NTM: variants seen among roughly 807,000 people sequenced by gnomAD.
The protein encoded by NTM is IgLON family member 2.
Under a neutral mutation model 42.1 loss-of-function variants are expected in NTM, and 13 were observed. The observed-to-expected ratio is 0.31, with a 90% CI of 0.20 to 0.49. The LOEUF is 0.49. Among genes scored for constraint, NTM ranks in the 20% least tolerant of loss-of-function variants. The pLI, the probability that NTM is intolerant of heterozygous loss-of-function variation, is 0.99. For synonymous variants in NTM, 187 were observed against 179.2 expected (o/e 1.04, Z -0.35); for missense variants, 373 against 452.8 (o/e 0.82, Z 1.60).
At chr11:131,501,659 G>T (rs1356822734) in intron 1 of NTM, among the ~76,000 whole-genome samples, 1 of 152,198 alleles carries the variant, frequency 6.6e-6, no homozygotes, top group East Asian at 1.9e-4. Flanking sequence ...GGCAAAGGGG[G>T]CTGTTGCAGT....
chr11:131,477,236 C>T (rs903250840), intron 1 of NTM, among the ~76,000 whole-genome samples: 6 of 152,158 alleles, frequency 3.9e-5, no homozygotes, highest in Admixed American at 3.9e-4. Flanking sequence ...TAACAAATCT[C>T]CATCTCAGAG....
chr11:132,233,976 C>T (rs894391683), intron 4 of NTM, among the ~76,000 whole-genome samples: 7 of 152,314 alleles, frequency 4.6e-5, no homozygotes, highest in South Asian at 2.1e-4. Context: ...GTGCTCCAGT[C>T]GACAGCTATG....
At chr11:131,612,167 A>C (rs1468048775) in intron 1 of NTM, among the ~76,000 whole-genome samples, 1 of 152,208 alleles carries the variant, frequency 6.6e-6, no homozygotes, top group Non-Finnish European at 1.5e-5. Context: ...CCAGCCATGT[A>C]CATGGGCCAC....
intron 1 of NTM, among the ~76,000 whole-genome samples, chr11:131,576,756 A>C (rs1378944835): frequency 6.6e-6 from 1 of 152,224 alleles, no homozygotes; most frequent in Non-Finnish European, 1.5e-5. Context: ...CCTGACGTAA[A>C]TAATAACATA....
chr11:131,792,701 A>G (rs976213250), intron 1 of NTM, among the ~76,000 whole-genome samples: 1 of 152,194 alleles, frequency 6.6e-6, no homozygotes, highest in African/African-American at 2.4e-5. Flanking sequence ...GTGCCTTCAC[A>G]CTGCTCTTTC....
chr11:132,226,869 A>G (rs1186237832), intron 4 of NTM, among the ~76,000 whole-genome samples: 1 of 152,204 alleles, frequency 6.6e-6, no homozygotes, highest in African/African-American at 2.4e-5. Flanking sequence ...TGACTATAAG[A>G]TTTGTGGCCT....
chr11:131,905,356 T>C (rs1256636046), intron 1 of NTM, among the ~76,000 whole-genome samples: 7 of 152,104 alleles, frequency 4.6e-5, no homozygotes, highest in African/African-American at 1.7e-4. Flanking sequence ...TCGATGGCAT[T>C]AGAGGTTTTC....
chr11:131,502,549 G>A (rs1218858790), intron 1 of NTM, among the ~76,000 whole-genome samples: 2 of 152,124 alleles, frequency 1.3e-5, no homozygotes, highest in Non-Finnish European at 2.9e-5. Context: ...GCAAGTTGAC[G>A]AGGGGTGCAA....
intron 1 of NTM, among the ~76,000 whole-genome samples, chr11:131,575,993 C>T (rs2057895815): frequency 6.6e-6 from 1 of 152,168 alleles, no homozygotes; most frequent in African/African-American, 2.4e-5. Flanking sequence ...CTATTCAGGA[C>T]TGTTATCTTC....
intron 1 of NTM, among the ~76,000 whole-genome samples, chr11:131,617,601 T>TGCG (rs1311314289): frequency 6.6e-6 from 1 of 152,094 alleles, no homozygotes; most frequent in Non-Finnish European, 1.5e-5. Flanking sequence ...GGTGATGGAT[T>TGCG]TAATTTAAAG....
At chr11:132,083,570 G>A (rs1403858494) in intron 2 of NTM, among the ~76,000 whole-genome samples, 2 of 152,182 alleles carry the variant, frequency 1.3e-5, no homozygotes, top group Admixed American at 1.3e-4. Flanking sequence ...CTGGGCCTGT[G>A]AGAAAGTGAC....
chr11:132,263,071 T>C (rs1017548806), intron 4 of NTM, among the ~76,000 whole-genome samples: 2 of 152,342 alleles, frequency 1.3e-5, no homozygotes, highest in South Asian at 4.1e-4. Flanking sequence ...GGCTCAAGAA[T>C]AGTCCTCTTT....
intron 1 of NTM, among the ~76,000 whole-genome samples, chr11:131,742,463 T>C (rs990952009): frequency 6.6e-6 from 1 of 152,130 alleles, no homozygotes; most frequent in African/African-American, 2.4e-5. Flanking sequence ...AAATCACCAA[T>C]ACAGATAAAA....
intron 1 of NTM, among the ~76,000 whole-genome samples, chr11:131,503,717 TCTCA>T (rs2047129468): frequency 6.6e-6 from 1 of 151,502 alleles, no homozygotes; most frequent in African/African-American, 2.4e-5. Context: ...GTAGAGAGAG[TCTCA>T]CTGTGTTGCT....
At chr11:131,434,254 G>A (rs1298203455) in intron 1 of NTM, among the ~76,000 whole-genome samples, 2 of 152,196 alleles carry the variant, frequency 1.3e-5, no homozygotes, top group Non-Finnish European at 2.9e-5. Context: ...ACATACGTGT[G>A]CATGTGTCTT....
intron 1 of NTM, among the ~76,000 whole-genome samples, chr11:131,729,514 A>G (rs1375762787): frequency 6.6e-6 from 1 of 152,222 alleles, no homozygotes; most frequent in Non-Finnish European, 1.5e-5. Context: ...TCAAGCAACC[A>G]CTACCACTAT....
intron 3 of NTM, among the ~76,000 whole-genome samples, chr11:132,163,497 A>G (rs2074745693): frequency 6.6e-6 from 1 of 152,236 alleles, no homozygotes; most frequent in Admixed American, 6.5e-5. Context: ...GTGTCATTTA[A>G]TGTTCAAACA....
At chr11:132,036,451 T>A (rs2076520425) in intron 2 of NTM, among the ~76,000 whole-genome samples, 1 of 152,144 alleles carries the variant, frequency 6.6e-6, no homozygotes, top group Non-Finnish European at 1.5e-5. Context: ...AATTTGAAGC[T>A]CATGTTAATG....
Position 131,758,231 on chromosome 11 carries a change from TG to T in NTM, c.83-153332del, listed in dbSNP as rs990547257. On this transcript the variant is annotated intron_variant, in intron 1 of 8. Transcript: ENST00000683400. ...ATACCATTCTTTTCATTTTCTTTTT[TG>T]ATCCTTTAATACAACTTCTGTCTTC... Among the ~76,000 whole-genome samples the T allele has an allele frequency of 2.6e-5, 4 of 152,148 alleles. 1 individual carries two copies. Among genetic ancestry groups the T allele is most frequent in the Admixed American group, 1.3e-4 (2 of 15,282 alleles).
Sources: allele counts gnomAD v4.1 joint callset (sites outside exome capture counted in the v4.1 genomes callset), GRCh38; gene constraint gnomAD v4.1.1; transcripts MANE v1.5; gene names NCBI Gene and HGNC (gene_info 2026-07-23, HGNC 2026-07-21).